The following RGPD2 variants were observed in gnomAD, a reference collection of about 807,000 sequenced individuals.
RGPD2 encodes the protein RANBP2 like and GRIP domain containing 2, also known as RANBP2-like and GRIP domain-containing protein 2.
A neutral mutation model predicts 36.0 loss-of-function variants in RGPD2; 2 were observed. That is an observed-to-expected ratio of 0.06 (90% CI 0.02 to 0.17). RGPD2 has a LOEUF of 0.17. RGPD2 is among the 10% of genes least tolerant of loss of function. The pLI, the probability that RGPD2 is intolerant of heterozygous loss-of-function variation, is 1.00. For synonymous variants in RGPD2, 19 were observed against 163.8 expected, an observed-to-expected ratio of 0.12 and a Z score of 6.75; for missense variants, 40 against 464.3, an observed-to-expected ratio of 0.09 and a Z score of 8.40.
chr2:87,881,046 G>A, the RGPD2 span, among the ~76,000 whole-genome samples: 62 of 150,728 alleles, frequency 4.1e-4, no homozygotes, highest in South Asian at 7.6e-3. Context: ...AATAATCTCC[G>A]TTGAATACAT....
chr2:87,805,451 TCCCTCCCC>T (rs1685905734), intron 7 of RGPD2, among the ~76,000 whole-genome samples: 2 of 119,252 alleles, frequency 1.7e-5, no homozygotes, highest in African/African-American at 3.0e-5. Context: ...TCCTTTTTTT[TCCCTCCCC>T]AAGCAAAAAA....
chr2:87,927,457 C>A, the RGPD2 span, among the ~76,000 whole-genome samples: 20 of 145,758 alleles, frequency 1.4e-4, no homozygotes, highest in Admixed American at 6.2e-4. Context: ...GTTGTAGCTG[C>A]TCCATTTAAA....
the RGPD2 span, among the ~76,000 whole-genome samples, chr2:87,907,466 A>AAATCTTGAGATTTAAATAAAG: frequency 2.3e-4 from 1 of 4,370 alleles, no homozygotes; most frequent in Non-Finnish European, 3.9e-4. Flanking sequence ...AAAAAAAAGA[A>AAATCTTGAGATTTAAATAAAG]TTGTGGGTAT....
the RGPD2 span, among the ~76,000 whole-genome samples, chr2:87,916,088 C>T: frequency 6.6e-6 from 1 of 151,914 alleles, no homozygotes; most frequent in Admixed American, 6.6e-5. Flanking sequence ...AATTTCATGT[C>T]TAAAAAACTG....
At chr2:87,912,971 C>T in the RGPD2 span, among the ~76,000 whole-genome samples, 10 of 150,752 alleles carry the variant, frequency 6.6e-5, no homozygotes, top group South Asian at 1.3e-3. Flanking sequence ...CAGGTGTTTG[C>T]CATTGGGACA....
At chr2:87,913,026 G>T in the RGPD2 span, among the ~76,000 whole-genome samples, 1 of 152,076 alleles carries the variant, frequency 6.6e-6, no homozygotes, top group Non-Finnish European at 1.5e-5. Flanking sequence ...ATATTACTAG[G>T]TCGCTCAGCT....
chr2:87,957,917 A>G, the RGPD2 span, among the ~76,000 whole-genome samples: 1 of 152,302 alleles, frequency 6.6e-6, no homozygotes, highest in Non-Finnish European at 1.5e-5. Flanking sequence ...TCATGGATGC[A>G]CTAAGTATAT....
At chr2:87,952,363 A>G in the RGPD2 span, among the ~76,000 whole-genome samples, 1 of 152,210 alleles carries the variant, frequency 6.6e-6, no homozygotes, top group Non-Finnish European at 1.5e-5. Flanking sequence ...TTAATATTAG[A>G]GATGATGCCT....
the RGPD2 span, among the ~76,000 whole-genome samples, chr2:87,875,348 T>A: frequency 6.6e-6 from 1 of 152,206 alleles, no homozygotes; most frequent in African/African-American, 2.4e-5. Flanking sequence ...GTTTGATATA[T>A]GTGAATCTTA....
intron 22 of RGPD2, among the ~76,000 whole-genome samples, chr2:87,769,645 A>T (rs1484989561): frequency 1.3e-5 from 2 of 152,012 alleles, no homozygotes; most frequent in Non-Finnish European, 2.9e-5. Context: ...CCTGTTAGAC[A>T]TGCTGAGTAT....
chr2:87,960,260 T>C, the RGPD2 span, among the ~76,000 whole-genome samples: 1 of 144,960 alleles, frequency 6.9e-6, no homozygotes, highest in Non-Finnish European at 1.5e-5. Flanking sequence ...CTATAAGATA[T>C]ACAGATGTAC....
At chr2:87,866,800 A>G in the RGPD2 span, among the ~76,000 whole-genome samples, 2 of 152,026 alleles carry the variant, frequency 1.3e-5, no homozygotes, top group African/African-American at 4.8e-5. Flanking sequence ...CTCAGGGGCC[A>G]GGGGCCTCAC....
chr2:87,918,760 A>G, the RGPD2 span, among the ~76,000 whole-genome samples: 46 of 150,996 alleles, frequency 3.0e-4, no homozygotes, highest in Admixed American at 8.6e-4. Flanking sequence ...TCAGTAATAG[A>G]GACTCAGATA....
At chr2:87,875,528 C>A in the RGPD2 span, among the ~76,000 whole-genome samples, 1 of 152,130 alleles carries the variant, frequency 6.6e-6, no homozygotes, top group Admixed American at 6.5e-5. Flanking sequence ...ATATGTTGAA[C>A]CAACAGTTTA....
the RGPD2 span, among the ~76,000 whole-genome samples, chr2:87,930,982 G>A: frequency 5.7e-5 from 5 of 88,134 alleles, no homozygotes; most frequent in Non-Finnish European, 1.1e-4. Flanking sequence ...TGTCTAGCTA[G>A]TTATCTATCT....
chr2:87,858,715 AT>A, the RGPD2 span, among the ~76,000 whole-genome samples: 1 of 150,864 alleles, frequency 6.6e-6, no homozygotes, highest in African/African-American at 2.4e-5. Context: ...AACACTATGA[AT>A]TGTCCATGGA....
At chr2:87,825,263 C>G in intron 1 of RGPD2, 1 of 394,924 alleles carries the variant, frequency 2.5e-6, no homozygotes, top group Admixed American at 4.4e-5. Context: ...CAACTAACCT[C>G]AAAACAAATG....
At chr2:87,972,828 G>A in the RGPD2 span, 1 of 1,611,748 alleles carries the variant, frequency 6.2e-7, no homozygotes, top group Non-Finnish European at 8.5e-7. Context: ...GAGCTCTGGT[G>A]GTTCTGGCTG....
At chr2:87,978,025 G>A in the RGPD2 span, among the ~76,000 whole-genome samples, 1 of 149,780 alleles carries the variant, frequency 6.7e-6, no homozygotes, top group African/African-American at 2.5e-5. Flanking sequence ...GCTGAGGCAG[G>A]AGAATGGTGT....
Sources: allele counts gnomAD v4.1 joint callset (sites outside exome capture counted in the v4.1 genomes callset), GRCh38; gene constraint gnomAD v4.1.1; transcripts MANE v1.5; gene names NCBI Gene and HGNC (gene_info 2026-07-23, HGNC 2026-07-21).